The following SMARCB1 variants were observed in gnomAD, a reference collection of about 807,000 sequenced individuals.
The protein encoded by SMARCB1 is SWI/SNF related BAF chromatin remodeling complex subunit B1, also known as SWI/SNF-related matrix-associated actin-dependent regulator of chromatin subfamily B member 1.
A neutral mutation model predicts 49.0 loss-of-function variants in SMARCB1; 5 were observed. The observed-to-expected ratio is 0.10, with a 90% confidence interval of 0.05 to 0.21. The LOEUF (loss-of-function observed/expected upper bound fraction) is 0.21, where lower values mean the gene tolerates loss of function less well. SMARCB1 is among the 10% of genes least tolerant of loss of function. SMARCB1 has a pLI of 1.00. For missense variants in SMARCB1, 226 were observed against 509.2 expected (o/e 0.44, Z 5.35); for synonymous variants, 201 against 200.1 (o/e 1.00, Z -0.04).
At chr22:23,798,953 G>A (rs770472998) in intron 3 of SMARCB1, among the ~76,000 whole-genome samples, 2 of 151,958 alleles carry the variant, frequency 1.3e-5, no homozygotes, top group African/African-American at 2.4e-5. Context: ...GGGAGGCTGA[G>A]GCAGGAGAAT....
In SMARCB1 at chr22:23,834,982, G is replaced by T; in HGVS notation, c.*802G>T. 6.6e-7 allele frequency: 1 copy of T among 1,516,984 alleles called. No homozygotes were observed. The highest frequency in any genetic ancestry group is 8.8e-7 in the Non-Finnish European group (1 of 1,135,196). 94.0% of individuals were successfully genotyped at this position (1,516,984 alleles called of 1,614,324 possible). A position where few individuals can be genotyped will look rare whatever the true frequency, so the allele number is the denominator to read the frequency against. ...GGCACTGCTGGGCTGTCGCCAGCCTGGGTGCAGGAGGGCTGTTCTAGCTCC... is the reference window on the plus strand; with the variant it reads ...GGCACTGCTGGGCTGTCGCCAGCCTTGGTGCAGGAGGGCTGTTCTAGCTCC... On this transcript the variant is annotated 3_prime_UTR_variant, in exon 9 of 9. Transcript: ENST00000644036.
chr22:23,787,536 G>C (rs1723115040), intron 1 of SMARCB1, among the ~76,000 whole-genome samples: 1 of 152,228 alleles, frequency 6.6e-6, no homozygotes, highest in South Asian at 2.1e-4. Context: ...TCCGCGCTGG[G>C]TTGGTTTCCA....
intron 4 of SMARCB1, chr22:23,802,296 C>T (rs1042227187): frequency 2.0e-5 from 3 of 152,776 alleles, no homozygotes; most frequent in African/African-American, 7.2e-5. Flanking sequence ...CTGAGAACGT[C>T]CTCATTGCTG....
chr22:23,820,033 T>C (rs1267755875), intron 6 of SMARCB1, among the ~76,000 whole-genome samples: 2 of 151,990 alleles, frequency 1.3e-5, no homozygotes, highest in African/African-American at 4.8e-5. Context: ...TCTCATCATA[T>C]TGACCAGGCT....
Position 23,796,927 on chromosome 22 carries a change from C to T in SMARCB1, c.362+3239C>T, listed in dbSNP as rs182993301. 4.9e-3 allele frequency among the ~76,000 whole-genome samples: 751 copies of T among 151,930 alleles called. 19 individuals are homozygous for T. The South Asian group carries it at 0.085, about 17-fold the overall frequency. ...TATGGCACCCTCCCCATCCTGTCAT[C>T]GGACAATTTGAGCAGAGGCTGGGTG... On this transcript the variant is annotated intron_variant, in intron 3 of 8. Coordinates refer to ENST00000644036, the MANE Select transcript of SMARCB1 (RefSeq NM_003073.5).
intron 7 of SMARCB1, among the ~76,000 whole-genome samples, chr22:23,832,145 G>A (rs1045487853): frequency 1.3e-5 from 2 of 152,284 alleles, no homozygotes; most frequent in South Asian, 2.1e-4. Flanking sequence ...GGAGCTGGGT[G>A]TGTGCTCACT....
rs537816636 is a variant in SMARCB1, at chr22:23,836,518, C to T, written c.*2338C>T. ...GGCCCTGGTGGGGCCAGGATGAGAACCCTGAGCCTGTCACCTGTGAGCTCA... is the reference window on the plus strand; with the variant it reads ...GGCCCTGGTGGGGCCAGGATGAGAATCCTGAGCCTGTCACCTGTGAGCTCA... On this transcript the variant is annotated 3_prime_UTR_variant, in exon 9 of 9. Coordinates refer to ENST00000644036, the MANE Select transcript of SMARCB1 (RefSeq NM_003073.5). The T allele has an allele frequency of 3.9e-6, 4 of 1,028,750 alleles. No homozygotes were observed. In the South Asian group the frequency reaches 1.4e-4, roughly 35 times the overall value. 63.7% of individuals were successfully genotyped at this position (1,028,750 alleles called of 1,614,324 possible).
intron 1 of SMARCB1, among the ~76,000 whole-genome samples, chr22:23,787,745 G>A (rs1262134115): frequency 6.6e-6 from 1 of 152,186 alleles, no homozygotes; most frequent in Non-Finnish European, 1.5e-5. Context: ...TGCCTCTTAG[G>A]TGAGCAGTGG....
chr22:23,824,409 A>C (rs2030263944), intron 6 of SMARCB1: 1 of 152,442 alleles, frequency 6.6e-6, no homozygotes, highest in Non-Finnish European at 1.5e-5. Context: ...TAATGGGAGG[A>C]GTCTTGCAAG....
Position 23,836,681 on chromosome 22 carries a change from T to C in SMARCB1, c.*2501T>C, listed in dbSNP as rs1178239555. ...ACACTGAGTGAGGACGGGGCAGGCA[T>C]AGAAGGATGTGGCCAGGTGAGATGG... On this transcript the variant is annotated 3_prime_UTR_variant, in exon 9 of 9. Coordinates refer to ENST00000644036, the MANE Select transcript of SMARCB1 (RefSeq NM_003073.5). 3.8e-6 allele frequency: 5 copies of C among 1,301,716 alleles called. No homozygotes were observed. Among genetic ancestry groups the C allele is most frequent in the Non-Finnish European group, 4.8e-6 (5 of 1,031,870 alleles). The allele number at this position is 1,301,716 out of a possible 1,614,324, so 80.6% of individuals were successfully genotyped here.
chr22:23,797,305 T>A (rs961144933), intron 3 of SMARCB1, among the ~76,000 whole-genome samples: 16 of 136,050 alleles, frequency 1.2e-4, no homozygotes, highest in African/African-American at 5.4e-4. Context: ...GCCTGTTTTT[T>A]TTTATTATTA....
At chr22:23,812,352 A>T (rs964689692) in intron 5 of SMARCB1, among the ~76,000 whole-genome samples, 6 of 152,126 alleles carry the variant, frequency 3.9e-5, no homozygotes, top group African/African-American at 1.4e-4. Context: ...CCCCAAAAAA[A>T]TCTCTGGGCC....
At chr22:23,799,457 T>G (rs1928990052) in intron 3 of SMARCB1, among the ~76,000 whole-genome samples, 1 of 150,672 alleles carries the variant, frequency 6.6e-6, no homozygotes. Flanking sequence ...TTTGTATTTT[T>G]GGTAGGGTTG....
chr22:23,830,033 T>C (rs1402945352), intron 7 of SMARCB1, among the ~76,000 whole-genome samples: 6 of 152,274 alleles, frequency 3.9e-5, no homozygotes, highest in Non-Finnish European at 8.8e-5. Context: ...TGCATGGATA[T>C]ACCACATTTT....
At chr22:23,792,954 C>T (rs756600588) in intron 2 of SMARCB1, 1 of 172,188 alleles carries the variant, frequency 5.8e-6, no homozygotes, top group Non-Finnish European at 1.3e-5. Flanking sequence ...TAGCTCTTGA[C>T]GGAGATTCCC....
chr22:23,811,597 T>C (rs1028268545), intron 5 of SMARCB1, among the ~76,000 whole-genome samples: 3 of 152,228 alleles, frequency 2.0e-5, no homozygotes, highest in African/African-American at 7.2e-5. Context: ...TTCTAAATAA[T>C]CTGTGGTTCA....
intron 5 of SMARCB1, among the ~76,000 whole-genome samples, chr22:23,807,458 T>G (rs1223317044): frequency 2.6e-5 from 4 of 152,058 alleles, no homozygotes; most frequent in Non-Finnish European, 5.9e-5. Context: ...GCCTGTGATC[T>G]CAGCTACTTG....
At chr22:23,800,271 A>G (rs1046036474) in intron 3 of SMARCB1, among the ~76,000 whole-genome samples, 2 of 152,242 alleles carry the variant, frequency 1.3e-5, no homozygotes, top group African/African-American at 2.4e-5. Context: ...TTCATGGGAC[A>G]TGGGTTATTT....
rs988249848 is a variant in SMARCB1 at position 23,834,371 on chromosome 22, C to G, written c.*191C>G. The stretch of plus-strand genomic sequence containing the variant: ...TTTGTTGAGCCCCAGTCCTGCCCCC[C>G]ACCCCACCCTCCCTACCCCTCCCCA... On this transcript the variant is annotated 3_prime_UTR_variant, in exon 9 of 9. Coordinates refer to ENST00000644036, the MANE Select transcript of SMARCB1 (RefSeq NM_003073.5). 1.9e-5 allele frequency: 13 copies of G among 699,928 alleles called. No homozygotes were observed. Among genetic ancestry groups the G allele is most frequent in the African/African-American group, 1.1e-4 (6 of 56,840 alleles). 43.4% of individuals were successfully genotyped at this position (699,928 alleles called of 1,614,324 possible).
Sources: gnomAD v4.1 joint callset for allele counts (sites outside exome capture counted in the v4.1 genomes callset) on GRCh38, gnomAD v4.1.1 for gene constraint, MANE v1.5 for transcripts, NCBI Gene and HGNC (gene_info 2026-07-23, HGNC 2026-07-21) for gene names.